Variants in GLUD1 observed in about 807,000 individuals in gnomAD.
The protein encoded by GLUD1 is glutamate dehydrogenase 1.
In GLUD1, 22 loss-of-function variants were observed where a neutral mutation model predicts 56.0. The observed-to-expected ratio is 0.39, with a 90% CI of 0.28 to 0.56. The LOEUF (loss-of-function observed/expected upper bound fraction) is 0.56. GLUD1 is among the 20% of genes least tolerant of loss of function. The pLI is 0.58. For missense variants in GLUD1, 451 were observed against 732.0 expected (o/e 0.62, Z 4.43); for synonymous variants, 223 against 269.9 (o/e 0.83, Z 1.70).
chr10:87,094,828 C>CCCCGCGACTAGGGAGGAAGGGT lies in GLUD1; in HGVS notation c.-60_-59insACCCTTCCTCCCTAGTCGCGGG. The CCCCGCGACTAGGGAGGAAGGGT allele has an allele frequency of 7.5e-7, 1 of 1,330,444 alleles. No homozygotes were observed. Among genetic ancestry groups the CCCCGCGACTAGGGAGGAAGGGT allele is most frequent in the South Asian group, 1.3e-5 (1 of 77,924 alleles). 82.4% of individuals were successfully genotyped at this position (1,330,444 alleles called of 1,614,324 possible). On this transcript the variant is annotated 5_prime_UTR_variant, in exon 1 of 13. Coordinates refer to ENST00000277865, the MANE Select transcript of GLUD1 (RefSeq NM_005271.5). The surrounding 1 kb of genome is among the most constrained non-coding windows in gnomAD (Gnocchi z 6.6). ...CGAAACAGGCGCGCTTTCTCAGACT[C>CCCCGCGACTAGGGAGGAAGGGT]CCCGCGACTAGGGAGGAAGGGTCCC...
At chr10:87,081,673 T>A (rs9420433) in intron 1 of GLUD1, among the ~76,000 whole-genome samples, 2 of 152,178 alleles carry the variant, frequency 1.3e-5, no homozygotes, top group African/African-American at 4.8e-5. Flanking sequence ...CTCTGTAACA[T>A]GTGCTGTGTC....
At chr10:87,056,853 T>C (rs1464298422) in intron 11 of GLUD1, among the ~76,000 whole-genome samples, 4 of 152,158 alleles carry the variant, frequency 2.6e-5, no homozygotes, top group African/African-American at 4.8e-5. Context: ...CTTTTTCAAT[T>C]TGTATTTCTT....
intron 3 of GLUD1, among the ~76,000 whole-genome samples, chr10:87,074,834 T>TC (rs1193224141): frequency 6.6e-6 from 1 of 152,116 alleles, no homozygotes; most frequent in Non-Finnish European, 1.5e-5. Flanking sequence ...GGGCTCAAAT[T>TC]CCCATTCTAT....
At chr10:87,067,903 T>C (rs961858896) in intron 5 of GLUD1, 160 bp downstream of exon 5, 3 of 645,486 alleles carry the variant, frequency 4.6e-6, no homozygotes, top group Admixed American at 2.1e-5. Context: ...TTCATTACGA[T>C]TTAAGAATAG....
chr10:87,081,454 A>G (rs540772731), intron 1 of GLUD1, among the ~76,000 whole-genome samples: 1 of 152,350 alleles, frequency 6.6e-6, no homozygotes, highest in South Asian at 2.1e-4. Context: ...TGTGCCCAAC[A>G]GCTCACTGAG....
At chr10:87,074,528 A>G (rs1221582017) in intron 4 of GLUD1, 23 bp downstream of exon 4, 2 of 1,440,546 alleles carry the variant, frequency 1.4e-6, no homozygotes, top group East Asian at 2.3e-5. Context: ...ACTTTATACC[A>G]AAAACTATGT....
intron 3 of GLUD1, 103 bp from the exon 4 acceptor site, chr10:87,074,717 C>T (rs1430575485): frequency 2.7e-6 from 2 of 749,086 alleles, no homozygotes; most frequent in African/African-American, 1.8e-5. Flanking sequence ...TTTCATATGT[C>T]TTCTCATGTA....
At chr10:87,074,293 G>A (rs1846321947) in intron 4 of GLUD1, among the ~76,000 whole-genome samples, 1 of 152,108 alleles carries the variant, frequency 6.6e-6, no homozygotes, top group South Asian at 2.1e-4. Context: ...CTGATGTCAG[G>A]AGTTCAAGCC....
At position 87,050,284 on chromosome 10, in the gene GLUD1, CTCGGG is replaced by C. The variant is rs1845595914; in HGVS notation, c.*1462_*1466del. ...CAGGGATCATTTCTATAGTTCGTTA[CTCGGG>C]AAGTTTCTCTGAACGTGTAAAGCAC... On this transcript the variant is annotated 3_prime_UTR_variant, in exon 13 of 13. Transcript: ENST00000277865. Among the ~76,000 whole-genome samples the C allele has an allele frequency of 6.6e-6, 1 of 150,716 alleles. No homozygotes were observed. The highest frequency in any genetic ancestry group is 6.6e-5 in the Admixed American group (1 of 15,068).
intron 1 of GLUD1, among the ~76,000 whole-genome samples, chr10:87,081,205 G>GC (rs1218904426): frequency 7.2e-6 from 1 of 137,960 alleles, no homozygotes; most frequent in East Asian, 2.2e-4. Flanking sequence ...GGGGGGGTCA[G>GC]CCCCCCGCCC....
At chr10:87,072,704 G>C (rs1264358334) in intron 4 of GLUD1, among the ~76,000 whole-genome samples, 1 of 152,182 alleles carries the variant, frequency 6.6e-6, no homozygotes, top group African/African-American at 2.4e-5. Context: ...TACTTGTCAA[G>C]TCTGATAAAA....
chr10:87,086,997 C>G (rs533685199), intron 1 of GLUD1, among the ~76,000 whole-genome samples: 34 of 152,144 alleles, frequency 2.2e-4, no homozygotes, highest in Admixed American at 2.1e-3. Flanking sequence ...ACAGACCCCA[C>G]AGCTCAAGGG....
chr10:87,088,891 GTTGTTCTGGCTAACACA>G (rs1841449120), intron 1 of GLUD1, among the ~76,000 whole-genome samples: 1 of 152,214 alleles, frequency 6.6e-6, no homozygotes, highest in Non-Finnish European at 1.5e-5. Flanking sequence ...AGAGAAATGA[GTTGTTCTGGCTAACACA>G]TTAATCTCTT....
At chr10:87,069,124 C>T (rs1846153050) in intron 4 of GLUD1, among the ~76,000 whole-genome samples, 1 of 151,768 alleles carries the variant, frequency 6.6e-6, no homozygotes, top group Admixed American at 6.6e-5. Context: ...TAATTTTTTT[C>T]TCTTCCCTGC....
Position 87,091,785 on chromosome 10 carries a change from G to GATA in GLUD1, c.445+2537_445+2539dup, listed in dbSNP as rs538024451. Among the ~76,000 whole-genome samples the GATA allele has an allele frequency of 4.3e-4, 66 of 152,202 alleles. No individual in the cohort carries two copies. In the South Asian group the frequency reaches 0.013, roughly 31 times the overall value. ...AGAATTTTAATTTAGAAAACTCAGG[G>GATA]ATAAGGTTGTTCTTGAGGGAAAATG... On this transcript the variant is annotated intron_variant, in intron 1 of 12. Coordinates refer to ENST00000277865, the MANE Select transcript of GLUD1 (RefSeq NM_005271.5).
At chr10:87,075,657 C>T (rs10887688) in intron 3 of GLUD1, among the ~76,000 whole-genome samples, 45,237 of 152,104 alleles carry the variant, frequency 0.3, 6,984 homozygotes, top group Middle Eastern at 0.36. Flanking sequence ...TGCGGTGGCT[C>T]ATGCCTGCAA....
At chr10:87,077,331 T>C (rs1386279637) in intron 1 of GLUD1, among the ~76,000 whole-genome samples, 5 of 152,072 alleles carry the variant, frequency 3.3e-5, no homozygotes, top group African/African-American at 1.2e-4. Context: ...TTTCTGATAA[T>C]TCACAAACAT....
chr10:87,069,855 GACGACAACAACA>G (rs1439379327), intron 4 of GLUD1, among the ~76,000 whole-genome samples: 8 of 54,062 alleles, frequency 1.5e-4, no homozygotes, highest in Non-Finnish European at 8.1e-5. Flanking sequence ...TGAAGTCAAT[GACGACAACAACA>G]ACAACAACAA....
chr10:87,073,772 C>A (rs1052531369), intron 4 of GLUD1, among the ~76,000 whole-genome samples: 3 of 151,810 alleles, frequency 2.0e-5, no homozygotes, highest in African/African-American at 7.3e-5. Flanking sequence ...GCACTCGCGA[C>A]CACGCCTGGC....
Sources: allele counts gnomAD v4.1 joint callset (sites outside exome capture counted in the v4.1 genomes callset), GRCh38; gene constraint gnomAD v4.1.1; non-coding constraint Gnocchi (gnomAD v3.1); transcripts MANE v1.5; gene names NCBI Gene and HGNC (gene_info 2026-07-23, HGNC 2026-07-21).